Variants in PDZD2 observed in about 807,000 individuals in gnomAD.
The protein encoded by PDZD2 is PDZ domain containing 2, also known as PDZ domain-containing protein 2.
Under a neutral mutation model 220.7 loss-of-function variants are expected in PDZD2, and 90 were observed. The observed-to-expected ratio is 0.41, with a 90% confidence interval of 0.34 to 0.49. The LOEUF (loss-of-function observed/expected upper bound fraction) is 0.49, where lower values mean the gene tolerates loss of function less well. Ranked by LOEUF, PDZD2 falls within the 20% of genes least tolerant of loss-of-function variation. The pLI is 0.28. For synonymous variants in PDZD2, 1,375 were observed against 1,450.5 expected (o/e 0.95, Z 1.18); for missense variants, 3,174 against 3,608.5 (o/e 0.88, Z 3.08).
At chr5:31,797,122 T>TTTTTG in intron 1 of PDZD2, among the ~76,000 whole-genome samples, 1 of 140,182 alleles carries the variant, frequency 7.1e-6, no homozygotes, top group Non-Finnish European at 1.6e-5. Context: ...TTTTTTTTTT[T>TTTTTG]TTAGTAGAGA....
At chr5:32,086,843 A>ATTTTTTTTT (rs10710224) in intron 19 of PDZD2, among the ~76,000 whole-genome samples, 1 of 85,210 alleles carries the variant, frequency 1.2e-5, no homozygotes, top group Non-Finnish European at 2.2e-5. Context: ...TGCCCAGCTA[A>ATTTTTTTTT]TTTTTTTTTT....
intron 20 of PDZD2, among the ~76,000 whole-genome samples, chr5:32,091,401 C>T (rs1581476240): frequency 6.6e-6 from 1 of 151,292 alleles, no homozygotes. Context: ...TCTCCTGCCT[C>T]AGCCTCCTGA....
intron 5 of PDZD2, among the ~76,000 whole-genome samples, chr5:32,003,135 CACACACACACCACACACCACCA>C (rs1310371566): frequency 7.2e-4 from 12 of 16,602 alleles, no homozygotes; most frequent in Admixed American, 1.8e-3. Context: ...ACACACACAC[CACACACACACCACACACCACCA>C]ACACACACAC....
At chr5:31,977,107 C>T (rs927926415) in intron 2 of PDZD2, among the ~76,000 whole-genome samples, 2 of 151,840 alleles carry the variant, frequency 1.3e-5, no homozygotes, top group African/African-American at 2.4e-5. Flanking sequence ...ACCCTCCTAC[C>T]GTGGCCTCCA....
At chr5:31,934,607 TAAAAA>T (rs5867117) in intron 2 of PDZD2, among the ~76,000 whole-genome samples, 2 of 118,082 alleles carry the variant, frequency 1.7e-5, no homozygotes, top group Non-Finnish European at 3.3e-5. Context: ...ACCATCTAAT[TAAAAA>T]AAAAAAAAAA....
In PDZD2 at chr5:31,691,173, G is replaced by C. The variant is rs532861380; in HGVS notation, c.-361+51736G>C. Among the ~76,000 whole-genome samples, 3 of 152,280 alleles carry C rather than the reference G, an allele frequency of 2.0e-5. No individual in the cohort carries two copies. In the South Asian group the frequency reaches 6.2e-4, roughly 32 times the overall value. On this transcript the variant is annotated intron_variant, in intron 1 of 24. Transcript: ENST00000438447. Reference sequence around the variant, plus strand: ...GGAGTTTCTTCCTTCTGGTGGGTTCGTGGTGTCGCTGGCTCAGGAGTGAAG... The same window carrying C: ...GGAGTTTCTTCCTTCTGGTGGGTTCCTGGTGTCGCTGGCTCAGGAGTGAAG...
chr5:32,104,723 A>T (rs1195915683), intron 24 of PDZD2, among the ~76,000 whole-genome samples: 2 of 137,334 alleles, frequency 1.5e-5, no homozygotes, highest in African/African-American at 6.5e-5. Context: ...ATCTAAAAAA[A>T]AAAAAAAAAA....
chr5:32,069,138 C>T (rs755572954), intron 14 of PDZD2, among the ~76,000 whole-genome samples: 14 of 151,586 alleles, frequency 9.2e-5, no homozygotes, highest in Non-Finnish European at 1.3e-4. Context: ...TGGTGGTGCG[C>T]GCCTATAGTC....
intron 1 of PDZD2, chr5:31,712,028 T>A (rs1748136406): frequency 6.5e-6 from 1 of 152,862 alleles, no homozygotes; most frequent in African/African-American, 2.4e-5. Context: ...AGGCCCAGGC[T>A]GTGGGTGATC....
Position 32,091,106 on chromosome 5 carries a change from C to G in PDZD2, c.7658C>G (p.Thr2553Arg). ...GSGPKTSAAETPSSASDTGEA... is the reference protein window; with the variant it reads ...GSGPKTSAAERPSSASDTGEA... ...GGCCCTAAAACCAGTGCTGCTGAGACACCCAGTTCAGCCAGTGATACGGGT... is the reference window on the plus strand; with the variant it reads ...GGCCCTAAAACCAGTGCTGCTGAGAGACCCAGTTCAGCCAGTGATACGGGT... The change falls in exon 20 of 25, where the codon ACA (threonine) becomes AGA (arginine). Residue 2553 changes from threonine (T) to arginine (R), a missense_variant. This residue lies in a region of PDZD2 where 631 missense variants were observed against 789.9 expected (regional missense o/e 0.80). Coordinates refer to ENST00000438447, the MANE Select transcript of PDZD2 (RefSeq NM_178140.4). 6.2e-7 allele frequency: 1 copy of G among 1,601,422 alleles called. No homozygotes were observed. Among genetic ancestry groups the G allele is most frequent in the Non-Finnish European group, 8.6e-7 (1 of 1,169,474 alleles).
intron 1 of PDZD2, among the ~76,000 whole-genome samples, chr5:31,737,454 G>T (rs1291792679): frequency 1.3e-5 from 2 of 152,170 alleles, no homozygotes; most frequent in East Asian, 1.9e-4. Context: ...TTACAGGCGT[G>T]AGCTACCGCG....
chr5:31,753,554 T>A (rs1751136569), intron 1 of PDZD2, among the ~76,000 whole-genome samples: 1 of 152,150 alleles, frequency 6.6e-6, no homozygotes. Context: ...TGGGCTGAGG[T>A]TGCACTACTG....
chr5:31,879,625 C>T (rs1041727189), intron 2 of PDZD2, among the ~76,000 whole-genome samples: 5 of 152,084 alleles, frequency 3.3e-5, no homozygotes, highest in Non-Finnish European at 5.9e-5. Flanking sequence ...GTTGGTGTTT[C>T]GTGCCTACAT....
At chr5:32,001,179 T>C (rs1752076073) in intron 5 of PDZD2, among the ~76,000 whole-genome samples, 1 of 152,174 alleles carries the variant, frequency 6.6e-6, no homozygotes, top group South Asian at 2.1e-4. Context: ...GGTCAGGGAC[T>C]GCAGTGTTAG....
chr5:31,955,397 T>A (rs2111646855), intron 2 of PDZD2, among the ~76,000 whole-genome samples: 1 of 152,088 alleles, frequency 6.6e-6, no homozygotes, highest in East Asian at 1.9e-4. Context: ...GCCTCCCAGA[T>A]TCCAGCAATT....
chr5:32,082,682 C>T (rs770143277), intron 19 of PDZD2, among the ~76,000 whole-genome samples: 2 of 152,036 alleles, frequency 1.3e-5, no homozygotes, highest in Non-Finnish European at 2.9e-5. Flanking sequence ...ATATATCTGC[C>T]TAGTATATGA....
intron 2 of PDZD2, chr5:31,840,394 C>CT (rs1757195108): frequency 1.2e-5 from 1 of 84,916 alleles, no homozygotes; most frequent in African/African-American, 4.8e-5. Flanking sequence ...TAGTCATTTT[C>CT]ATTATATATA....
intron 1 of PDZD2, among the ~76,000 whole-genome samples, chr5:31,765,736 T>G (rs1456735513): frequency 2.0e-5 from 3 of 152,102 alleles, no homozygotes; most frequent in Admixed American, 1.3e-4. Context: ...TGGGGCCCCA[T>G]GAAAAGTGGT....
intron 1 of PDZD2, among the ~76,000 whole-genome samples, chr5:31,640,094 C>T (rs79706859): frequency 0.016 from 2,111 of 136,034 alleles, 60 homozygotes; most frequent in African/African-American, 0.049. Flanking sequence ...TTCCTCTCTC[C>T]CTCCCTCGGG....
Sources: allele counts gnomAD v4.1 joint callset (sites outside exome capture counted in the v4.1 genomes callset), GRCh38; gene constraint gnomAD v4.1.1; regional missense constraint gnomAD v4.1.1; transcripts MANE v1.5; gene names NCBI Gene and HGNC (gene_info 2026-07-23, HGNC 2026-07-21).